Variants in YES1 observed in about 807,000 individuals in gnomAD.
YES1 encodes tyrosine-protein kinase Yes.
YES1 carries 39 observed loss-of-function variants against 70.4 expected under a neutral mutation model. The ratio of observed to expected loss-of-function variants is 0.55; its 90% CI spans 0.43 to 0.72. The LOEUF is 0.72. YES1 is among the 30% of genes least tolerant of loss of function. The probability of loss-of-function intolerance (pLI) is 0.00; values close to 1 mark genes in which losing one functional copy is unlikely to be tolerated. For synonymous variants in YES1, 198 were observed against 218.6 expected, an observed-to-expected ratio of 0.91 and a Z score of 0.83; for missense variants, 495 against 644.8, an observed-to-expected ratio of 0.77 and a Z score of 2.52.
chr18:761,243 A>T (rs1012528464), intron 1 of YES1, among the ~76,000 whole-genome samples: 2 of 132,252 alleles, frequency 1.5e-5, no homozygotes, highest in Non-Finnish European at 3.3e-5. Context: ...TTTGCCGTTT[A>T]AAAAAAAAAA....
At chr18:749,159 TA>T (rs1237087688) in intron 3 of YES1, among the ~76,000 whole-genome samples, 6 of 149,752 alleles carry the variant, frequency 4.0e-5, no homozygotes, top group Non-Finnish European at 7.4e-5. Flanking sequence ...AGACTCCATC[TA>T]AAAAAAACAA....
At chr18:728,607 A>C (rs947055297) in intron 11 of YES1, among the ~76,000 whole-genome samples, 1 of 151,850 alleles carries the variant, frequency 6.6e-6, no homozygotes, top group African/African-American at 2.4e-5. Context: ...GCTCATTGCA[A>C]CCTCTGCCTC....
In YES1 at chr18:743,409, G is replaced by C; in HGVS notation, c.731C>G (p.Ala244Gly). Reference sequence around the variant, plus strand: ...TGTCAACTTGTGGCATAAACCATCAGCATGTTCTAGATAAATGAATAAACT... The same window carrying C: ...TGTCAACTTGTGGCATAAACCATCACCATGTTCTAGATAAATGAATAAACT... ...QKLVKHYTEH[A>G]DGLCHKLTTV... The change falls in exon 7 of 12, where the codon GCT (alanine) becomes GGT (glycine). Residue 244 changes from alanine (A) to glycine (G), a missense_variant. Physicochemically the swap from Ala to Gly is moderately conservative, Grantham distance 60. Transcript: ENST00000314574. 1.9e-6 allele frequency: 3 copies of C among 1,611,730 alleles called. No homozygotes were observed. The highest frequency in any genetic ancestry group is 1.9e-4 in the Middle Eastern group (1 of 5,258).
rs150816701 is a variant in YES1, at chr18:796,524, C to T, written c.-9+15590G>A. Among the ~76,000 whole-genome samples the T allele has an allele frequency of 1.6e-3, 240 of 152,296 alleles. 1 individual carries two copies. Among genetic ancestry groups the T allele is most frequent in the African/African-American group, 5.3e-3 (220 of 41,570 alleles). ...GTGGCTCACGCTGGTAATCTCAGCACTTTGGGAGACCGAGGCGGGCAGATC... is the reference window on the plus strand; with the variant it reads ...GTGGCTCACGCTGGTAATCTCAGCATTTTGGGAGACCGAGGCGGGCAGATC... On this transcript the variant is annotated intron_variant, in intron 1 of 11. Transcript: ENST00000314574.
chr18:736,660 A>T, intron 10 of YES1, 148 bp downstream of exon 10: 2 of 1,044,910 alleles, frequency 1.9e-6, no homozygotes, highest in South Asian at 2.1e-5. Flanking sequence ...AAGCCACAGC[A>T]GTACATGATT....
Position 746,112 on chromosome 18 carries a change from G to A in YES1, c.471-61C>T, listed in dbSNP as rs1372921709. On this transcript the variant is annotated intron_variant, in intron 4 of 11. Transcript: ENST00000314574. ...TGAGGTTCAGAAAAATTATACAGAA[G>A]TGTCAGTAAGAATGGACTGGGATAG... 3 of 1,262,736 alleles carry A rather than the reference G, an allele frequency of 2.4e-6. No individual in the cohort carries two copies. The African/African-American group carries it at 4.5e-5, about 19-fold the overall frequency. 78.2% of individuals were successfully genotyped at this position (1,262,736 alleles called of 1,614,324 possible).
rs746080500 is a variant in YES1, at chr18:745,737, G to A, written c.695C>T (p.Thr232Ile). ...YYITTRAQFD[T>I]LQKLVKHYTE... is the part of the protein sequence containing the mutation. The stretch of plus-strand genomic sequence containing the variant: ...GTAGTGTTTCACCAATTTCTGCAGA[G>A]TATCAAATTGTGCTCTGGTTGTGAT... Residue 232 changes from threonine to isoleucine, a missense_variant, in exon 6 of 12, where the codon ACT becomes ATT. By Grantham distance (89) the Thr-to-Ile change is moderately conservative. This residue lies in a region of YES1 where 385 missense variants were observed against 540.9 expected (regional missense o/e 0.71). Coordinates refer to ENST00000314574, the MANE Select transcript of YES1 (RefSeq NM_005433.4). The A allele has an allele frequency of 1.1e-5, 17 of 1,611,772 alleles. No homozygotes were observed. The highest frequency in any genetic ancestry group is 1.4e-5 in the Non-Finnish European group (16 of 1,179,472).
chr18:725,737 T>C (rs1029152991), intron 11 of YES1, among the ~76,000 whole-genome samples: 1 of 151,934 alleles, frequency 6.6e-6, no homozygotes, highest in African/African-American at 2.4e-5. Flanking sequence ...ACTACAAAAA[T>C]GAGCCAGGCA....
At chr18:733,048 G>A in intron 10 of YES1, 83 bp from the exon 11 acceptor site, 1 of 1,354,830 alleles carries the variant, frequency 7.4e-7, no homozygotes, top group East Asian at 2.3e-5. Flanking sequence ...CTAATGTTCT[G>A]TCAATATCTC....
intron 1 of YES1, among the ~76,000 whole-genome samples, chr18:789,172 C>G (rs1906114162): frequency 6.6e-6 from 1 of 152,080 alleles, no homozygotes; most frequent in South Asian, 2.1e-4. Flanking sequence ...GCTATAAAAC[C>G]TAAGGAAATG....
At chr18:753,396 T>C (rs1423882103) in intron 2 of YES1, among the ~76,000 whole-genome samples, 1 of 152,238 alleles carries the variant, frequency 6.6e-6, no homozygotes, top group African/African-American at 2.4e-5. Flanking sequence ...ACTCCTCCTA[T>C]CTAAATTTTG....
At chr18:757,498 G>A (rs1252287621) in intron 1 of YES1, among the ~76,000 whole-genome samples, 4 of 133,172 alleles carry the variant, frequency 3.0e-5, no homozygotes, top group Admixed American at 8.4e-5. Flanking sequence ...GCGAGACTCC[G>A]TCTCAAAAAA....
At chr18:790,581 A>T (rs9967082) in intron 1 of YES1, among the ~76,000 whole-genome samples, 3,465 of 152,310 alleles carry the variant, frequency 0.023, 139 homozygotes, top group African/African-American at 0.079. Flanking sequence ...GAGAGTACAC[A>T]GTATTAGGTA....
At chr18:762,281 T>C (rs973207901) in intron 1 of YES1, among the ~76,000 whole-genome samples, 12 of 152,102 alleles carry the variant, frequency 7.9e-5, no homozygotes, top group Admixed American at 5.2e-4. Context: ...GATTGCGTCA[T>C]TGCACTCCAG....
At chr18:765,790 C>T (rs972999934) in intron 1 of YES1, among the ~76,000 whole-genome samples, 9 of 152,146 alleles carry the variant, frequency 5.9e-5, no homozygotes, top group Admixed American at 5.2e-4. Context: ...AAAATCAAGT[C>T]AAGTGGCACT....
chr18:751,631 A>C (rs1443279506), intron 3 of YES1, 74 bp downstream of exon 3: 8 of 1,008,322 alleles, frequency 7.9e-6, no homozygotes, highest in African/African-American at 3.2e-5. Context: ...TGGATCATCA[A>C]CCAGCTCAGT....
chr18:724,502 T>C lies in YES1; in HGVS notation c.1554A>G (p.Thr518=), dbSNP rs2079994582. The C allele has an allele frequency of 1.9e-6, 3 of 1,614,220 alleles. No homozygotes were observed. Among genetic ancestry groups the C allele is most frequent in the Non-Finnish European group, 2.5e-6 (3 of 1,180,030 alleles). ...CWKKDPDERP[T]FEYIQSFLED... ...CCAAGAAGGACTGAATATATTCAAATGTTGGTCTTTCATCAGGGTCCTTCT... is the reference window on the plus strand; with the variant it reads ...CCAAGAAGGACTGAATATATTCAAACGTTGGTCTTTCATCAGGGTCCTTCT... The change falls in exon 12 of 12, where the codon ACA becomes ACG. Residue 518 remains threonine, a synonymous_variant. Coordinates refer to ENST00000314574, the MANE Select transcript of YES1 (RefSeq NM_005433.4).
In YES1 at chr18:723,083, C is replaced by G. The variant is rs1345525925; in HGVS notation, c.*1341G>C. 6.6e-6 allele frequency: 1 copy of G among 151,382 alleles called. No individual in the cohort carries two copies. The highest frequency in any genetic ancestry group is 2.4e-5 in the African/African-American group (1 of 41,072). The allele number at this position is 151,382 out of a possible 1,614,324, so 9.4% of individuals were successfully genotyped here. A position where few individuals can be genotyped will look rare whatever the true frequency, so the allele number is the denominator to read the frequency against. On this transcript the variant is annotated 3_prime_UTR_variant, in exon 12 of 12. Coordinates refer to ENST00000314574, the MANE Select transcript of YES1 (RefSeq NM_005433.4). The stretch of plus-strand genomic sequence containing the variant: ...CTCCAGCCTGGGCGACAGAGCGAGA[C>G]TCCGTCTCAAAAAAGAAAACAAAAA...
rs2079983689 is a variant in YES1 at position 723,506 on chromosome 18, C to T, written c.*918G>A. The T allele has an allele frequency of 6.6e-6, 1 of 152,608 alleles. No homozygotes were observed. The highest frequency in any genetic ancestry group is 1.5e-5 in the Non-Finnish European group (1 of 68,034). 9.5% of individuals were successfully genotyped at this position (152,608 alleles called of 1,614,324 possible). On this transcript the variant is annotated 3_prime_UTR_variant, in exon 12 of 12. Transcript: ENST00000314574. The stretch of plus-strand genomic sequence containing the variant: ...CTGGTCATATTTTCTATTTGTGGCA[C>T]CCATCCCCATAAGGACATATAAGCA...
Sources: gnomAD v4.1 joint callset for allele counts (sites outside exome capture counted in the v4.1 genomes callset) on GRCh38, gnomAD v4.1.1 for gene constraint, gnomAD v4.1.1 regional missense constraint, MANE v1.5 for transcripts, NCBI Gene and HGNC (gene_info 2026-07-23, HGNC 2026-07-21) for gene names.